The following MGRN1 variants were observed in gnomAD, a reference collection of about 807,000 sequenced individuals.
MGRN1 encodes the protein E3 ubiquitin-protein ligase MGRN1.
In MGRN1, 29 loss-of-function variants were observed where a neutral mutation model predicts 69.2. That is an observed-to-expected ratio of 0.42 (90% CI 0.31 to 0.57). The LOEUF (loss-of-function observed/expected upper bound fraction) is 0.57, where lower values mean the gene tolerates loss of function less well. MGRN1 is among the 20% of genes least tolerant of loss of function. The pLI, the probability that MGRN1 is intolerant of heterozygous loss-of-function variation, is 0.15. For synonymous variants in MGRN1, 470 were observed against 344.2 expected, an observed-to-expected ratio of 1.37 and a Z score of -4.04; for missense variants, 998 against 796.2, an observed-to-expected ratio of 1.25 and a Z score of -3.05.
chr16:4,673,817 G>A (rs1463465868), intron 10 of MGRN1, among the ~76,000 whole-genome samples, 160 bp downstream of exon 10: 1 of 152,160 alleles, frequency 6.6e-6, no homozygotes, highest in Admixed American at 6.5e-5. Context: ...TTGGCTGTCG[G>A]AGTCAGTCAC....
chr16:4,628,215 T>C (rs1897794959), intron 1 of MGRN1, among the ~76,000 whole-genome samples: 1 of 151,508 alleles, frequency 6.6e-6, no homozygotes, highest in Non-Finnish European at 1.5e-5. Flanking sequence ...TGAAACCCCA[T>C]GTCTACTAAA....
chr16:4,656,800 A>C (rs2078550211), intron 4 of MGRN1, among the ~76,000 whole-genome samples: 1 of 152,110 alleles, frequency 6.6e-6, no homozygotes, highest in South Asian at 2.1e-4. Context: ...GGATCACTTG[A>C]ACTCAGAAGG....
chr16:4,680,134 C>T, intron 12 of MGRN1, 37 bp downstream of exon 12: 3 of 1,602,072 alleles, frequency 1.9e-6, no homozygotes, highest in Non-Finnish European at 2.6e-6. Context: ...TTTTTTGCCC[C>T]CGCCCTCATT....
intron 2 of MGRN1, chr16:4,650,691 C>T: frequency 2.3e-6 from 1 of 436,834 alleles, no homozygotes; most frequent in East Asian, 3.6e-5. Context: ...GCCAGATGGC[C>T]AGGGGCAGGT....
At chr16:4,677,379 G>A (rs778925361) in intron 10 of MGRN1, 84 bp from the exon 11 acceptor site, 2 of 1,024,890 alleles carry the variant, frequency 2.0e-6, no homozygotes, top group African/African-American at 3.3e-5. Context: ...GGTGTGGGGG[G>A]GGTGTTGATC....
At chr16:4,677,326 A>G in intron 10 of MGRN1, 137 bp from the exon 11 acceptor site, 1 of 481,092 alleles carries the variant, frequency 2.1e-6, no homozygotes. Flanking sequence ...GAAAAAAAAA[A>G]GACCGTTGTG....
intron 4 of MGRN1, among the ~76,000 whole-genome samples, chr16:4,655,660 C>G (rs1019197954): frequency 6.6e-6 from 1 of 152,166 alleles, no homozygotes; most frequent in Non-Finnish European, 1.5e-5. Context: ...CACTGTCCCC[C>G]TCTCTCAGGA....
chr16:4,657,596 G>A (rs1244992205), intron 5 of MGRN1, among the ~76,000 whole-genome samples: 1 of 152,226 alleles, frequency 6.6e-6, no homozygotes, highest in Non-Finnish European at 1.5e-5. Context: ...CGCACTCGGA[G>A]GCTCAGACAC....
At chr16:4,681,931 A>G (rs565552358) in intron 13 of MGRN1, among the ~76,000 whole-genome samples, 155 bp downstream of exon 13, 4 of 152,224 alleles carry the variant, frequency 2.6e-5, no homozygotes, top group Non-Finnish European at 5.9e-5. Flanking sequence ...CTCATGGGTA[A>G]AGTTTATTAC....
chr16:4,685,585 C>T (rs1183017054), intron 16 of MGRN1, among the ~76,000 whole-genome samples: 1 of 152,262 alleles, frequency 6.6e-6, no homozygotes, highest in Non-Finnish European at 1.5e-5. Flanking sequence ...GCCTGCACGG[C>T]CTCAGTTCTG....
chr16:4,687,016 C>A (rs145267853), intron 16 of MGRN1: 1 of 985,650 alleles, frequency 1.0e-6, no homozygotes, highest in Non-Finnish European at 1.2e-6. Context: ...CCTGCTCCCC[C>A]GCTCCCTCCT....
At chr16:4,654,271 T>C (rs1356964114) in intron 4 of MGRN1, among the ~76,000 whole-genome samples, 1 of 152,190 alleles carries the variant, frequency 6.6e-6, no homozygotes, top group African/African-American at 2.4e-5. Flanking sequence ...CAAAAGAGGC[T>C]CCTAGCACCC....
In MGRN1 at chr16:4,690,639, C is replaced by CACATACT. The variant is rs2079436233; in HGVS notation, c.*1731_*1732insACATACT. Reference sequence around the variant, plus strand: ...ACACTCACGCTCACACATGCTGTCACGCATACACACACGCACATACTCCTG... The same window carrying CACATACT: ...ACACTCACGCTCACACATGCTGTCACACATACTGCATACACACACGCACATACTCCTG... On this transcript the variant is annotated 3_prime_UTR_variant, in exon 17 of 17. Transcript: ENST00000262370. 6.6e-6 allele frequency: 1 copy of CACATACT among 152,312 alleles called. No homozygotes were observed. The highest frequency in any genetic ancestry group is 1.9e-4 in the East Asian group (1 of 5,196). 9.4% of individuals were successfully genotyped at this position (152,312 alleles called of 1,614,324 possible). A position where few individuals can be genotyped will look rare whatever the true frequency, so the allele number is the denominator to read the frequency against.
intron 1 of MGRN1, among the ~76,000 whole-genome samples, chr16:4,625,551 G>C (rs1897632301): frequency 6.6e-6 from 1 of 152,216 alleles, no homozygotes; most frequent in Admixed American, 6.5e-5. Context: ...GAGGAGTGGG[G>C]CTGGGCCCAA....
chr16:4,630,139 C>T (rs191032380), intron 1 of MGRN1, among the ~76,000 whole-genome samples: 17 of 149,328 alleles, frequency 1.1e-4, no homozygotes, highest in African/African-American at 4.2e-4. Flanking sequence ...ATTGCCTGAG[C>T]TCAGGAGTTT....
chr16:4,649,853 A>G (rs2078361601), intron 1 of MGRN1: 1 of 154,898 alleles, frequency 6.5e-6, no homozygotes, highest in Non-Finnish European at 1.4e-5. Flanking sequence ...CCAGGAGGCC[A>G]CCTTGGAAGG....
chr16:4,657,178 T>G, intron 4 of MGRN1, 68 bp from the exon 5 acceptor site: 2 of 1,440,866 alleles, frequency 1.4e-6, no homozygotes, highest in Non-Finnish European at 9.7e-7. Context: ...GCTGTCGGAG[T>G]GGGAGGGACG....
chr16:4,650,698 A>T (rs942064160), intron 2 of MGRN1: 1 of 429,672 alleles, frequency 2.3e-6, no homozygotes, highest in Non-Finnish European at 4.1e-6. Flanking sequence ...GGCCAGGGGC[A>T]GGTCACTGAG....
rs1212991283 is a variant in MGRN1 at position 4,689,339 on chromosome 16, G to GA, written c.*431_*432insA. On this transcript the variant is annotated 3_prime_UTR_variant, in exon 17 of 17. Transcript: ENST00000262370. ...TTCACAGATGTTCAGGGGCAGTGGG[G>GA]GGCTCCAGGCACGGTCAATGAAGGA... The GA allele has an allele frequency of 3.1e-5, 5 of 160,952 alleles. No individual in the cohort carries two copies. The highest frequency in any genetic ancestry group is 6.4e-5 in the Admixed American group (1 of 15,630). 10.0% of individuals were successfully genotyped at this position (160,952 alleles called of 1,614,324 possible).
Sources: allele counts gnomAD v4.1 joint callset (sites outside exome capture counted in the v4.1 genomes callset), GRCh38; gene constraint gnomAD v4.1.1; transcripts MANE v1.5; gene names NCBI Gene and HGNC (gene_info 2026-07-23, HGNC 2026-07-21).